ERICH1: variants seen among roughly 807,000 people sequenced by gnomAD.
ERICH1 encodes the protein glutamate-rich protein 1.
A neutral mutation model predicts 39.6 loss-of-function variants in ERICH1; 56 were observed. The ratio of observed to expected loss-of-function variants is 1.41; its 90% confidence interval spans 1.14 to 1.77. The LOEUF (loss-of-function observed/expected upper bound fraction) is 1.77. Among genes scored for constraint, ERICH1 ranks in the 40% most tolerant of loss-of-function variants. The pLI, the probability that ERICH1 is intolerant of heterozygous loss-of-function variation, is 0.00. For synonymous variants in ERICH1, 313 were observed against 223.6 expected (o/e 1.40, Z -3.57); for missense variants, 826 against 575.4 (o/e 1.44, Z -4.45).
At chr8:630,012 A>G (rs1797883846) in intron 3 of ERICH1, among the ~76,000 whole-genome samples, 1 of 131,750 alleles carries the variant, frequency 7.6e-6, no homozygotes, top group African/African-American at 3.1e-5. Context: ...ACCCACACAG[A>G]CAAAGCTGAC....
intron 3 of ERICH1, among the ~76,000 whole-genome samples, chr8:689,933 G>A (rs1292952575): frequency 1.3e-5 from 2 of 152,194 alleles, no homozygotes; most frequent in Admixed American, 6.5e-5. Context: ...TGCCAGATAA[G>A]TGAGTTCGCC....
At chr8:620,940 ACACTT>A (rs1324255938) in intron 3 of ERICH1, among the ~76,000 whole-genome samples, 3 of 152,244 alleles carry the variant, frequency 2.0e-5, no homozygotes, top group Non-Finnish European at 4.4e-5. Context: ...CATCTACAGA[ACACTT>A]CACCAAAAAC....
intron 3 of ERICH1, chr8:625,796 C>T (rs1215218323): frequency 1.3e-5 from 2 of 152,166 alleles, no homozygotes; most frequent in Non-Finnish European, 2.9e-5. Flanking sequence ...TCCCGCCTCG[C>T]CGGGCAATGA....
At chr8:622,190 C>A (rs1033657110) in intron 3 of ERICH1, among the ~76,000 whole-genome samples, 1 of 152,080 alleles carries the variant, frequency 6.6e-6, no homozygotes, top group African/African-American at 2.4e-5. Context: ...CCACTGTACT[C>A]CATCCTGGGT....
intron 5 of ERICH1, 127 bp downstream of exon 5, chr8:668,470 TC>T: frequency 2.3e-6 from 2 of 860,432 alleles, no homozygotes; most frequent in Non-Finnish European, 1.9e-6. Flanking sequence ...GACTCTATTC[TC>T]CCATGCCATA....
chr8:626,064 T>C (rs1357759611), intron 3 of ERICH1: 1 of 152,242 alleles, frequency 6.6e-6, no homozygotes, highest in Admixed American at 6.5e-5. Flanking sequence ...TATAAATCTT[T>C]TGAACATGTG....
intron 3 of ERICH1, among the ~76,000 whole-genome samples, chr8:621,630 A>T (rs1020569261): frequency 2.6e-5 from 4 of 152,128 alleles, no homozygotes; most frequent in African/African-American, 9.6e-5. Flanking sequence ...GAATAGAAAA[A>T]CAATAGAGAA....
intron 2 of ERICH1, among the ~76,000 whole-genome samples, chr8:715,638 C>G (rs1462810942): frequency 6.6e-6 from 1 of 152,216 alleles, no homozygotes; most frequent in Non-Finnish European, 1.5e-5. Context: ...AGTAAATGAC[C>G]CCAAAAAGGC....
intron 1 of ERICH1, among the ~76,000 whole-genome samples, chr8:717,011 A>G (rs1816166837): frequency 6.6e-6 from 1 of 152,212 alleles, no homozygotes. Flanking sequence ...AACGCTCACC[A>G]GAGCTCCCCG....
chr8:697,835 G>A (rs1022292801), intron 2 of ERICH1, among the ~76,000 whole-genome samples: 108 of 152,360 alleles, frequency 7.1e-4, no homozygotes, highest in African/African-American at 2.3e-3. Context: ...AGCAGAGTGC[G>A]TGATAGGTGT....
At chr8:650,488 C>T (rs1799806118) in intron 3 of ERICH1, among the ~76,000 whole-genome samples, 1 of 152,190 alleles carries the variant, frequency 6.6e-6, no homozygotes, top group Non-Finnish European at 1.5e-5. Context: ...CACATCCTAA[C>T]GTGAGGACGA....
intron 2 of ERICH1, among the ~76,000 whole-genome samples, chr8:708,481 G>C (rs1813811252): frequency 6.6e-6 from 1 of 151,988 alleles, no homozygotes; most frequent in Non-Finnish European, 1.5e-5. Context: ...AAGAAAGTTA[G>C]TTCTGACCCA....
At chr8:705,900 G>A (rs1238495468) in intron 2 of ERICH1, among the ~76,000 whole-genome samples, 2 of 152,172 alleles carry the variant, frequency 1.3e-5, no homozygotes, top group African/African-American at 4.8e-5. Flanking sequence ...TGGTAACACT[G>A]CACTTTCACC....
intron 2 of ERICH1, among the ~76,000 whole-genome samples, chr8:707,267 A>G (rs936811550): frequency 7.0e-6 from 1 of 143,346 alleles, no homozygotes; most frequent in Non-Finnish European, 1.5e-5. Context: ...GAGTGCAATG[A>G]TGCGATCTTG....
In ERICH1 at chr8:625,475, G is replaced by C. The variant is rs76191402; in HGVS notation, c.977-10191C>G. Among the ~76,000 whole-genome samples, 1,423 of 152,242 alleles carry C rather than the reference G, an allele frequency of 9.3e-3. 27 individuals carry two copies. The highest frequency in any genetic ancestry group is 0.032 in the African/African-American group (1,318 of 41,524). On this transcript the variant is annotated intron_variant, in intron 3 of 3. Transcript: ENST00000522706. ...AGGGGTTGCTGGGGCTGAGGGTACGGGGTCTGGGTGCATGGTGAGGTCTAA... is the reference window on the plus strand; with the variant it reads ...AGGGGTTGCTGGGGCTGAGGGTACGCGGTCTGGGTGCATGGTGAGGTCTAA...
chr8:701,443 G>C (rs1377413303), intron 2 of ERICH1, among the ~76,000 whole-genome samples: 1 of 152,240 alleles, frequency 6.6e-6, no homozygotes, highest in African/African-American at 2.4e-5. Flanking sequence ...CTGCTGGATG[G>C]GAACACGCCG....
chr8:616,723 G>C (rs1313371514), intron 3 of ERICH1: 1 of 397,124 alleles, frequency 2.5e-6, no homozygotes, highest in African/African-American at 2.2e-5. Flanking sequence ...GAGACACTCA[G>C]AGAGATAGGG....
intron 2 of ERICH1, among the ~76,000 whole-genome samples, chr8:702,158 C>T (rs1291986664): frequency 4.6e-5 from 7 of 151,546 alleles, no homozygotes; most frequent in African/African-American, 1.2e-4. Flanking sequence ...TAAAGAACCC[C>T]GGAAATTGGT....
chr8:665,232 A>G (rs890152420), intron 5 of ERICH1, among the ~76,000 whole-genome samples: 5 of 152,126 alleles, frequency 3.3e-5, no homozygotes, highest in Admixed American at 3.3e-4. Flanking sequence ...CACGGCAGGG[A>G]CATGGCTCCG....
Sources: allele counts gnomAD v4.1 joint callset (sites outside exome capture counted in the v4.1 genomes callset), GRCh38; gene constraint gnomAD v4.1.1; transcripts MANE v1.5; gene names NCBI Gene and HGNC (gene_info 2026-07-23, HGNC 2026-07-21).